The following GPC3 variants were observed in gnomAD, a reference collection of about 807,000 sequenced individuals.
GPC3 encodes glypican-3.
In GPC3, 3 loss-of-function variants were observed where a neutral mutation model predicts 34.4. That is an observed-to-expected ratio of 0.09 (90% CI 0.04 to 0.23). The LOEUF is 0.23. Among genes scored for constraint, GPC3 ranks in the 10% least tolerant of loss-of-function variants. GPC3 has a pLI of 1.00. For synonymous variants in GPC3, 177 were observed against 174.0 expected (o/e 1.02, Z -0.13); for missense variants, 351 against 445.6 (o/e 0.79, Z 1.91).
chrX:133,576,358 C>T (rs2124307005), intron 7 of GPC3, among the ~76,000 whole-genome samples: 1 of 111,345 alleles, frequency 9.0e-6, no homozygotes, highest in African/African-American at 3.3e-5. Context: ...ATTCTCGTGC[C>T]TCATCCTCCT....
intron 6 of GPC3, among the ~76,000 whole-genome samples, chrX:133,607,570 T>C (rs965328484): frequency 8.9e-6 from 1 of 112,168 alleles, no homozygotes; most frequent in African/African-American, 3.2e-5. Context: ...GCCAGCCCTA[T>C]TCATTGACTT....
intron 2 of GPC3, among the ~76,000 whole-genome samples, chrX:133,811,969 A>G (rs2075668236): frequency 8.9e-6 from 1 of 112,122 alleles, no homozygotes; most frequent in Admixed American, 9.5e-5. Context: ...AAAACCAAAT[A>G]AGGAAAGGAG....
At chrX:133,835,063 T>C (rs917503400) in intron 2 of GPC3, among the ~76,000 whole-genome samples, 1 of 112,186 alleles carries the variant, frequency 8.9e-6, no homozygotes, top group African/African-American at 3.2e-5. Flanking sequence ...AGGCCCTATA[T>C]TTTACAGTGT....
rs763929223 is a variant in GPC3, at chrX:133,937,582, C to T, written c.337+15468G>A. Among the ~76,000 whole-genome samples, 37 of 110,429 alleles carry T rather than the reference C, an allele frequency of 3.4e-4. 1 individual carries two copies. Among genetic ancestry groups the T allele is most frequent in the Non-Finnish European group, 6.4e-4 (34 of 52,840 alleles). On this transcript the variant is annotated intron_variant, in intron 2 of 7. Transcript: ENST00000370818. ...ATTTTATTTTTGTAAAAAAAAAAAC[C>T]TACACGTGTGAAATATGCAGGAAAA...
At chrX:133,749,770 G>GC (rs1413973407) in intron 3 of GPC3, among the ~76,000 whole-genome samples, 1 of 111,272 alleles carries the variant, frequency 9.0e-6, no homozygotes, top group Non-Finnish European at 1.9e-5. Context: ...ACATTTTATC[G>GC]CAACAGGAAG....
intron 5 of GPC3, among the ~76,000 whole-genome samples, chrX:133,684,189 C>T (rs765760091): frequency 8.9e-6 from 1 of 111,800 alleles, no homozygotes; most frequent in African/African-American, 3.2e-5. Flanking sequence ...TTCCCCAAAT[C>T]GGAAAAAATG....
intron 6 of GPC3, among the ~76,000 whole-genome samples, chrX:133,611,086 A>G (rs2070105844): frequency 9.1e-6 from 1 of 110,404 alleles, no homozygotes; most frequent in Non-Finnish European, 1.9e-5. Flanking sequence ...AAAAAGAAGC[A>G]AAAGAATGTG....
chrX:133,855,748 C>T (rs946344334), intron 2 of GPC3, among the ~76,000 whole-genome samples: 10 of 110,269 alleles, frequency 9.1e-5, no homozygotes, highest in African/African-American at 3.3e-4. Flanking sequence ...ACTTTGTATC[C>T]TCTGACCTAC....
intron 6 of GPC3, among the ~76,000 whole-genome samples, chrX:133,632,872 CTGTG>C (rs1359582500): frequency 9.0e-6 from 1 of 111,043 alleles, no homozygotes; most frequent in Admixed American, 9.7e-5. Context: ...GTATATGTCT[CTGTG>C]TGTGTGTGTC....
At chrX:133,682,643 C>T (rs1309932209) in intron 5 of GPC3, among the ~76,000 whole-genome samples, 4 of 111,764 alleles carry the variant, frequency 3.6e-5, no homozygotes, top group African/African-American at 1.3e-4. Flanking sequence ...CTGCCCAAAG[C>T]ACACAGCTGG....
chrX:133,738,597 T>A (rs1041971087), intron 3 of GPC3, among the ~76,000 whole-genome samples: 7 of 111,969 alleles, frequency 6.3e-5, no homozygotes, highest in African/African-American at 2.3e-4. Context: ...GCAAAAGCAA[T>A]TTAGCATTAT....
At chrX:133,653,498 G>A (rs2070622683) in intron 6 of GPC3, among the ~76,000 whole-genome samples, 1 of 111,546 alleles carries the variant, frequency 9.0e-6, no homozygotes, top group Non-Finnish European at 1.9e-5. Flanking sequence ...GGATGAGACT[G>A]AAAGGATGAC....
At chrX:133,552,698 T>C (rs1374030294) in intron 7 of GPC3, among the ~76,000 whole-genome samples, 1 of 111,954 alleles carries the variant, frequency 8.9e-6, no homozygotes, top group African/African-American at 3.2e-5. Flanking sequence ...TAATTCGCAG[T>C]TAGTAGATAT....
chrX:133,669,180 G>C (rs1184508535), intron 5 of GPC3, among the ~76,000 whole-genome samples: 1 of 112,101 alleles, frequency 8.9e-6, no homozygotes, highest in Non-Finnish European at 1.9e-5. Flanking sequence ...TGGGAGACAA[G>C]GTGTTGAAGT....
intron 2 of GPC3, among the ~76,000 whole-genome samples, chrX:133,826,097 G>A (rs2075744937): frequency 1.8e-5 from 2 of 111,247 alleles, no homozygotes; most frequent in Non-Finnish European, 3.8e-5. Flanking sequence ...TATTTAAAAC[G>A]CCCAATTTTT....
At chrX:133,789,756 A>T (rs1178568087) in intron 2 of GPC3, among the ~76,000 whole-genome samples, 2 of 112,553 alleles carry the variant, frequency 1.8e-5, no homozygotes, top group Admixed American at 1.9e-4. Context: ...ATAAGCTATT[A>T]TCTATTATCA....
At chrX:133,711,623 G>A (rs889169680) in intron 3 of GPC3, among the ~76,000 whole-genome samples, 1 of 111,516 alleles carries the variant, frequency 9.0e-6, no homozygotes, top group African/African-American at 3.3e-5. Context: ...CCTCTCGGGA[G>A]GTCCTAAAGG....
At chrX:133,601,658 T>C (rs1402866271) in intron 6 of GPC3, among the ~76,000 whole-genome samples, 2 of 112,300 alleles carry the variant, frequency 1.8e-5, no homozygotes, top group Non-Finnish European at 3.8e-5. Context: ...AACATTCACA[T>C]AACTCTTTCC....
intron 3 of GPC3, among the ~76,000 whole-genome samples, chrX:133,708,853 A>G (rs1028488756): frequency 2.7e-5 from 3 of 112,007 alleles, no homozygotes; most frequent in African/African-American, 9.7e-5. Context: ...AATAATGTGT[A>G]TGCTCTGTTT....
Sources: gnomAD v4.1 joint callset for allele counts (sites outside exome capture counted in the v4.1 genomes callset) on GRCh38, gnomAD v4.1.1 for gene constraint, MANE v1.5 for transcripts, NCBI Gene and HGNC (gene_info 2026-07-23, HGNC 2026-07-21) for gene names.